The following SCLT1 variants were observed in gnomAD, a reference collection of about 807,000 sequenced individuals.
The protein encoded by SCLT1 is sodium channel-associated protein 1.
SCLT1 carries 78 observed loss-of-function variants against 112.8 expected under a neutral mutation model. The ratio of observed to expected loss-of-function variants is 0.69; its 90% CI spans 0.58 to 0.83. The LOEUF (loss-of-function observed/expected upper bound fraction) is 0.83. Ranked by LOEUF, SCLT1 falls within the 40% of genes least tolerant of loss-of-function variation. The pLI, the probability that SCLT1 is intolerant of heterozygous loss-of-function variation, is 0.00. For missense variants in SCLT1, 747 were observed against 770.4 expected (o/e 0.97, Z 0.36); for synonymous variants, 257 against 254.7 (o/e 1.01, Z -0.09).
chr4:129,092,312 G>C (rs147498327), intron 1 of SCLT1, among the ~76,000 whole-genome samples: 3 of 152,096 alleles, frequency 2.0e-5, no homozygotes, highest in African/African-American at 7.2e-5. Flanking sequence ...CAGCCGTATT[G>C]CAAGTCTTTA....
chr4:129,055,537 T>A (rs1749281712), intron 2 of SCLT1, among the ~76,000 whole-genome samples: 1 of 152,162 alleles, frequency 6.6e-6, no homozygotes, highest in Admixed American at 6.5e-5. Flanking sequence ...TGTGTTGAGT[T>A]CTGCCCAGTC....
chr4:128,881,096 A>G (rs1732630426), downstream of SCLT1, among the ~76,000 whole-genome samples: 1 of 152,176 alleles, frequency 6.6e-6, no homozygotes, highest in Admixed American at 6.6e-5. Context: ...AAATATTATT[A>G]ACATTGTCCC....
rs1432775678 is a variant in SCLT1 at position 129,021,785 on chromosome 4, A to G, written c.290+17256T>C. ...TGTGAAGAAAGCAGCTGATCCTGAC[A>G]AGAGGGATTCTCCCAGCACAGCGCA... On this transcript the variant is annotated intron_variant, in intron 5 of 20. Coordinates refer to ENST00000281142, the MANE Select transcript of SCLT1 (RefSeq NM_144643.4). Among the ~76,000 whole-genome samples the G allele has an allele frequency of 2.0e-5, 3 of 152,222 alleles. No individual in the cohort carries two copies. In the East Asian group the frequency reaches 5.8e-4, roughly 29 times the overall value.
intron 12 of SCLT1, among the ~76,000 whole-genome samples, 189 bp from the exon 13 acceptor site, chr4:128,957,313 G>C (rs886263470): frequency 6.6e-6 from 1 of 152,002 alleles, no homozygotes; most frequent in Non-Finnish European, 1.5e-5. Context: ...CCTAACTAAA[G>C]ACACTTTCTC....
intron 9 of SCLT1, among the ~76,000 whole-genome samples, chr4:128,977,868 G>T (rs1326649871): frequency 6.6e-6 from 1 of 152,188 alleles, no homozygotes; most frequent in African/African-American, 2.4e-5. Context: ...GCAGGTAAAT[G>T]ATGTGATATA....
intron 2 of SCLT1, among the ~76,000 whole-genome samples, chr4:129,046,602 G>T (rs1349553333): frequency 6.6e-6 from 1 of 151,996 alleles, no homozygotes; most frequent in Non-Finnish European, 1.5e-5. Context: ...TATTTGGGTT[G>T]TTCATTATTT....
At chr4:129,022,637 G>A (rs1198701511) in intron 5 of SCLT1, among the ~76,000 whole-genome samples, 3 of 152,138 alleles carry the variant, frequency 2.0e-5, no homozygotes, top group Admixed American at 2.0e-4. Context: ...CAAGAAATAT[G>A]GGACTATGTG....
chr4:129,029,469 T>A (rs1345295151), intron 5 of SCLT1, among the ~76,000 whole-genome samples: 1 of 146,080 alleles, frequency 6.8e-6, no homozygotes. Context: ...TAGGTGGGAA[T>A]TGAACAATGA....
rs143534496 is a variant in SCLT1, at chr4:129,043,202, G to A, written c.234+193C>T. Reference sequence around the variant, plus strand: ...GCTGGGATTATAGGCATAAGCCACCGCACCCAGCTAGAAGAGAATCTTTAA... The same window carrying A: ...GCTGGGATTATAGGCATAAGCCACCACACCCAGCTAGAAGAGAATCTTTAA... On this transcript the variant is annotated intron_variant, in intron 4 of 20. Coordinates refer to ENST00000281142, the MANE Select transcript of SCLT1 (RefSeq NM_144643.4). Among the ~76,000 whole-genome samples the A allele has an allele frequency of 5.6e-3, 857 of 152,146 alleles. 14 individuals carry two copies. The highest frequency in any genetic ancestry group is 0.019 in the African/African-American group (786 of 41,504).
Position 128,959,741 on chromosome 4 carries a change from T to C in SCLT1, c.906A>G (p.Arg302=), listed in dbSNP as rs747571055. The change falls in exon 12 of 21, where the codon AGA becomes AGG. Residue 302 remains arginine, a synonymous_variant. Transcript: ENST00000281142. ...GTTTTTCCAGATGTGTATTTTCGGT[T>C]CTTAATTGGTTGGCTTCTTGGATTG... ...CVTIQEANQL[R]TENTHLEKQT... The C allele has an allele frequency of 3.1e-6, 5 of 1,613,598 alleles. No individual in the cohort carries two copies. In the East Asian group the frequency reaches 1.1e-4, roughly 36 times the overall value.
At chr4:128,993,386 T>C (rs1210540329) in intron 8 of SCLT1, among the ~76,000 whole-genome samples, 1 of 152,104 alleles carries the variant, frequency 6.6e-6, no homozygotes, top group African/African-American at 2.4e-5. Context: ...TGTTTTATTA[T>C]ATATACTGCC....
At chr4:128,979,992 CT>C (rs1280819958) in intron 9 of SCLT1, among the ~76,000 whole-genome samples, 2 of 152,152 alleles carry the variant, frequency 1.3e-5, no homozygotes, top group Admixed American at 1.3e-4. Flanking sequence ...ACAGTAATCC[CT>C]TTAAATAACA....
rs553828646 is a variant in SCLT1 at position 129,009,058 on chromosome 4, C to T, written c.291-5182G>A. On this transcript the variant is annotated intron_variant, in intron 5 of 20. Transcript: ENST00000281142. Reference sequence around the variant, plus strand: ...ATGTACCATATTTTCTTTATCCAGTCCACTGTTGATGGGCATCTAGGTTGA... The same window carrying T: ...ATGTACCATATTTTCTTTATCCAGTTCACTGTTGATGGGCATCTAGGTTGA... Among the ~76,000 whole-genome samples, 7 of 152,236 alleles carry T rather than the reference C, an allele frequency of 4.6e-5. 1 individual carries two copies. The South Asian group carries it at 1.5e-3, about 32-fold the overall frequency.
chr4:129,010,510 T>C (rs1467316889), intron 5 of SCLT1, among the ~76,000 whole-genome samples: 1 of 152,250 alleles, frequency 6.6e-6, no homozygotes, highest in African/African-American at 2.4e-5. Flanking sequence ...CTGGGCAGTA[T>C]GACCATTTTT....
chr4:129,085,460 C>A (rs61491906), intron 1 of SCLT1, among the ~76,000 whole-genome samples: 2,191 of 152,270 alleles, frequency 0.014, 47 homozygotes, highest in African/African-American at 0.044. Context: ...TGTGGCGATT[C>A]CTCAAACACC....
At chr4:128,991,478 T>A (rs1742561196) in intron 9 of SCLT1, among the ~76,000 whole-genome samples, 1 of 151,672 alleles carries the variant, frequency 6.6e-6, no homozygotes, top group South Asian at 2.1e-4. Context: ...ACATATGGGA[T>A]CGTATCAAGC....
intron 18 of SCLT1, among the ~76,000 whole-genome samples, chr4:128,916,052 G>T (rs1469222595): frequency 6.6e-6 from 1 of 152,164 alleles, no homozygotes; most frequent in Non-Finnish European, 1.5e-5. Flanking sequence ...GAGTTTTAAG[G>T]GATCTGCTTT....
chr4:129,024,004 C>T (rs1473926318), intron 5 of SCLT1, among the ~76,000 whole-genome samples: 1 of 152,240 alleles, frequency 6.6e-6, no homozygotes, highest in Non-Finnish European at 1.5e-5. Flanking sequence ...CCCGCCATTG[C>T]CCAGGCTTGC....
At chr4:129,049,865 T>C (rs1219140761) in intron 2 of SCLT1, among the ~76,000 whole-genome samples, 2 of 151,810 alleles carry the variant, frequency 1.3e-5, no homozygotes, top group Admixed American at 1.3e-4. Flanking sequence ...CATTAGGTAT[T>C]TGTCCTAATG....
Sources: gnomAD v4.1 joint callset for allele counts (sites outside exome capture counted in the v4.1 genomes callset) on GRCh38, gnomAD v4.1.1 for gene constraint, MANE v1.5 for transcripts, NCBI Gene and HGNC (gene_info 2026-07-23, HGNC 2026-07-21) for gene names.